Variants in CNTN1 observed in about 807,000 individuals in gnomAD.
CNTN1 encodes contactin 1.
Under a neutral mutation model 126.4 loss-of-function variants are expected in CNTN1, and 38 were observed. That is an observed-to-expected ratio of 0.30 (90% confidence interval 0.23 to 0.39). The LOEUF is 0.39. CNTN1 is among the 10% of genes least tolerant of loss of function. The pLI is 1.00. For missense variants in CNTN1, 1,009 were observed against 1,248.4 expected, an observed-to-expected ratio of 0.81 and a Z score of 2.89; for synonymous variants, 413 against 422.6, an observed-to-expected ratio of 0.98 and a Z score of 0.28.
At chr12:40,774,596 G>A (rs1464576389) in intron 1 of CNTN1, among the ~76,000 whole-genome samples, 1 of 151,702 alleles carries the variant, frequency 6.6e-6, no homozygotes, top group Non-Finnish European at 1.5e-5. Context: ...AACTCAATGT[G>A]ATAAAGTCTG....
At chr12:40,902,168 A>G (rs1485692731) in intron 1 of CNTN1, among the ~76,000 whole-genome samples, 1 of 152,226 alleles carries the variant, frequency 6.6e-6, no homozygotes, top group Non-Finnish European at 1.5e-5. Context: ...ACTTTTATGT[A>G]CATATGCTGC....
At chr12:40,728,311 T>C (rs1268207698) in intron 1 of CNTN1, among the ~76,000 whole-genome samples, 3 of 152,170 alleles carry the variant, frequency 2.0e-5, no homozygotes, top group Non-Finnish European at 4.4e-5. Flanking sequence ...CCTGTCCCGC[T>C]CCATAGTATC....
At chr12:40,802,145 C>T (rs867735616) in intron 1 of CNTN1, among the ~76,000 whole-genome samples, 13 of 151,696 alleles carry the variant, frequency 8.6e-5, no homozygotes, top group African/African-American at 2.4e-5. Flanking sequence ...ATGAAATAAC[C>T]AAGTAGAAAT....
At chr12:40,836,882 T>G (rs1565807967) in intron 1 of CNTN1, among the ~76,000 whole-genome samples, 1 of 152,176 alleles carries the variant, frequency 6.6e-6, no homozygotes, top group Non-Finnish European at 1.5e-5. Flanking sequence ...TATCCTCACT[T>G]TTAAGTTGGA....
At chr12:40,931,271 C>A (rs1472790557) in intron 7 of CNTN1, among the ~76,000 whole-genome samples, 1 of 152,012 alleles carries the variant, frequency 6.6e-6, no homozygotes, top group East Asian at 1.9e-4. Flanking sequence ...AACTTTGACA[C>A]TGCCTCTTCT....
intron 23 of CNTN1, among the ~76,000 whole-genome samples, chr12:41,044,068 G>C (rs1052172235): frequency 1.6e-4 from 24 of 149,538 alleles, no homozygotes; most frequent in African/African-American, 5.6e-4. Context: ...GTTAATGGGT[G>C]CAGCACAACA....
chr12:40,960,826 A>AT (rs1197826755), intron 15 of CNTN1, among the ~76,000 whole-genome samples: 4 of 152,074 alleles, frequency 2.6e-5, no homozygotes, highest in Non-Finnish European at 5.9e-5. Flanking sequence ...CTGTTAAGTC[A>AT]TTTCCAGAAG....
intron 6 of CNTN1, among the ~76,000 whole-genome samples, chr12:40,927,774 C>T (rs754506946): frequency 2.6e-5 from 4 of 152,064 alleles, no homozygotes; most frequent in Non-Finnish European, 4.4e-5. Context: ...GAATCTACAT[C>T]GGGCATTCAG....
At chr12:40,721,147 A>T (rs1045653167) in intron 1 of CNTN1, among the ~76,000 whole-genome samples, 1 of 152,068 alleles carries the variant, frequency 6.6e-6, no homozygotes, top group Non-Finnish European at 1.5e-5. Flanking sequence ...CATCACACTT[A>T]TCTAGACATC....
chr12:40,745,440 T>G (rs1199587907), intron 1 of CNTN1, among the ~76,000 whole-genome samples: 2 of 152,106 alleles, frequency 1.3e-5, no homozygotes, highest in African/African-American at 4.8e-5. Context: ...GGGCCAGGTT[T>G]CCAGCTTATA....
At chr12:40,775,743 A>C (rs1939552361) in intron 1 of CNTN1, among the ~76,000 whole-genome samples, 1 of 151,682 alleles carries the variant, frequency 6.6e-6, no homozygotes, top group African/African-American at 2.4e-5. Flanking sequence ...TGTAGGCACC[A>C]GCAAGTTTTT....
In CNTN1 at chr12:41,060,386, G is replaced by A. The variant is rs548173061; in HGVS notation, c.2981-9573G>A. 2.0e-5 allele frequency among the ~76,000 whole-genome samples: 3 copies of A among 152,334 alleles called. No homozygotes were observed. In the East Asian group the frequency reaches 5.8e-4, roughly 29 times the overall value. On this transcript the variant is annotated intron_variant, in intron 23 of 23. Coordinates refer to ENST00000551295, the MANE Select transcript of CNTN1 (RefSeq NM_001843.4). Reference sequence around the variant, plus strand: ...CATTAACCTTGGCATAGTGGAACATGTAAATTTTCAAACTTTCTCTCTGGT... The same window carrying A: ...CATTAACCTTGGCATAGTGGAACATATAAATTTTCAAACTTTCTCTCTGGT...
intron 15 of CNTN1, among the ~76,000 whole-genome samples, chr12:40,965,321 G>C (rs1270794141): frequency 6.6e-6 from 1 of 151,940 alleles, no homozygotes. Flanking sequence ...AATAATCTTG[G>C]GACCCCAGTC....
rs552384488 is a variant in CNTN1 at position 40,712,410 on chromosome 12, CTATTT to C, written c.-77+19840_-77+19844del. Among the ~76,000 whole-genome samples, 10 of 151,968 alleles carry C rather than the reference CTATTT, an allele frequency of 6.6e-5. No individual in the cohort carries two copies. The East Asian group carries it at 1.2e-3, about 18-fold the overall frequency. ...AGTAGAGGTTTCAAATGTGTATCTG[CTATTT>C]TATTTTATTTTATTTTATTTTTTTA... On this transcript the variant is annotated intron_variant, in intron 1 of 23. Coordinates refer to ENST00000551295, the MANE Select transcript of CNTN1 (RefSeq NM_001843.4).
chr12:40,771,305 A>C (rs1490631015), intron 1 of CNTN1, among the ~76,000 whole-genome samples: 5 of 152,076 alleles, frequency 3.3e-5, no homozygotes, highest in African/African-American at 9.7e-5. Context: ...TCTTCATATC[A>C]GTCTGTCATC....
At chr12:40,927,922 G>A (rs868477931) in intron 6 of CNTN1, among the ~76,000 whole-genome samples, 6 of 152,076 alleles carry the variant, frequency 3.9e-5, no homozygotes, top group African/African-American at 1.2e-4. Context: ...CATCTCTTAT[G>A]AGTGGGGCAC....
intron 17 of CNTN1, among the ~76,000 whole-genome samples, chr12:41,012,527 A>G (rs157126): frequency 0.12 from 17,788 of 152,132 alleles, 2,014 homozygotes; most frequent in African/African-American, 0.29. Context: ...GCCTTTGGAT[A>G]ACACCAGGGA....
chr12:40,879,860 A>G (rs998819450), intron 1 of CNTN1, among the ~76,000 whole-genome samples: 1 of 152,098 alleles, frequency 6.6e-6, no homozygotes, highest in Non-Finnish European at 1.5e-5. Context: ...TTGGGCATTT[A>G]GAAATTTGTA....
chr12:40,728,964 TGAAAA>T (rs920725725), intron 1 of CNTN1: 2 of 152,342 alleles, frequency 1.3e-5, no homozygotes, highest in African/African-American at 4.8e-5. Context: ...AAGCAAAAGA[TGAAAA>T]GGAAAAGCAA....
Sources: gnomAD v4.1 joint callset for allele counts (sites outside exome capture counted in the v4.1 genomes callset) on GRCh38, gnomAD v4.1.1 for gene constraint, MANE v1.5 for transcripts, NCBI Gene and HGNC (gene_info 2026-07-23, HGNC 2026-07-21) for gene names.